The following DLGAP1 variants were observed in gnomAD, a reference collection of about 807,000 sequenced individuals.
DLGAP1 encodes the protein DLG associated protein 1.
DLGAP1 carries 11 observed loss-of-function variants against 90.8 expected under a neutral mutation model. That is an observed-to-expected ratio of 0.12 (90% confidence interval 0.08 to 0.20). The LOEUF is 0.20. Among genes scored for constraint, DLGAP1 ranks in the 10% least tolerant of loss-of-function variants. The pLI is 1.00. For missense variants in DLGAP1, 1,050 were observed against 1,333.8 expected, an observed-to-expected ratio of 0.79 and a Z score of 3.31; for synonymous variants, 558 against 540.7, an observed-to-expected ratio of 1.03 and a Z score of -0.44.
intron 2 of DLGAP1, among the ~76,000 whole-genome samples, chr18:4,005,702 C>T (rs550544057): frequency 1.8e-4 from 28 of 152,262 alleles, no homozygotes; most frequent in African/African-American, 6.7e-4. Context: ...TGCAGCTGCT[C>T]TGATAGGAGC....
intron 1 of DLGAP1, among the ~76,000 whole-genome samples, chr18:4,152,883 C>T (rs543575868): frequency 1.5e-3 from 224 of 152,272 alleles, no homozygotes; most frequent in African/African-American, 4.3e-3. Context: ...GGACTTTCTT[C>T]CCCACATATA....
At chr18:4,123,831 G>T (rs2076191960) in intron 2 of DLGAP1, among the ~76,000 whole-genome samples, 1 of 152,170 alleles carries the variant, frequency 6.6e-6, no homozygotes, top group African/African-American at 2.4e-5. Flanking sequence ...GTGTGGGTTG[G>T]TTTTGCCCCT....
intron 5 of DLGAP1, among the ~76,000 whole-genome samples, chr18:3,799,094 C>G (rs2066159429): frequency 6.6e-6 from 1 of 152,146 alleles, no homozygotes; most frequent in Non-Finnish European, 1.5e-5. Context: ...CCAGGCTGGT[C>G]TTGAACTCCT....
At chr18:3,970,668 C>G (rs948087285) in intron 3 of DLGAP1, among the ~76,000 whole-genome samples, 6 of 152,150 alleles carry the variant, frequency 3.9e-5, no homozygotes, top group African/African-American at 1.4e-4. Flanking sequence ...TACAGTTTCA[C>G]TCTTAGTTTT....
chr18:4,000,173 T>C (rs2074153375), intron 3 of DLGAP1, among the ~76,000 whole-genome samples: 1 of 152,146 alleles, frequency 6.6e-6, no homozygotes, highest in Admixed American at 6.5e-5. Flanking sequence ...TATTAACATC[T>C]TCATATTATC....
chr18:3,940,467 G>A (rs1409226043), intron 3 of DLGAP1, among the ~76,000 whole-genome samples: 2 of 152,174 alleles, frequency 1.3e-5, no homozygotes, highest in East Asian at 1.9e-4. Flanking sequence ...TCAGTGCTCT[G>A]TACTCTTTCC....
intron 3 of DLGAP1, among the ~76,000 whole-genome samples, chr18:3,992,000 C>T (rs1194060999): frequency 6.6e-6 from 1 of 152,112 alleles, no homozygotes; most frequent in East Asian, 1.9e-4. Context: ...TACTTCTCTC[C>T]CCTGATGGCT....
chr18:4,109,954 T>C (rs953867486), intron 2 of DLGAP1, among the ~76,000 whole-genome samples: 4 of 152,126 alleles, frequency 2.6e-5, no homozygotes, highest in Non-Finnish European at 5.9e-5. Flanking sequence ...ATTCATATTA[T>C]CTATATTGTG....
At chr18:3,871,683 A>AT (rs2148799519) in intron 4 of DLGAP1, among the ~76,000 whole-genome samples, 1 of 152,294 alleles carries the variant, frequency 6.6e-6, no homozygotes, top group South Asian at 2.1e-4. Flanking sequence ...ACAGTAATGA[A>AT]TTTTCCAACG....
intron 2 of DLGAP1, among the ~76,000 whole-genome samples, chr18:4,079,711 T>A (rs866862705): frequency 7.8e-4 from 101 of 130,184 alleles, no homozygotes; most frequent in African/African-American, 2.7e-3. Context: ...TATATATATA[T>A]ATAAAAGAAA....
At chr18:4,275,944 T>G (rs1568485800) in intron 1 of DLGAP1, among the ~76,000 whole-genome samples, 1 of 152,038 alleles carries the variant, frequency 6.6e-6, no homozygotes, top group Non-Finnish European at 1.5e-5. Flanking sequence ...ATTCTTGAAC[T>G]GAGATATGAA....
intron 1 of DLGAP1, among the ~76,000 whole-genome samples, chr18:4,184,531 G>T (rs894581871): frequency 1.3e-5 from 2 of 151,784 alleles, no homozygotes; most frequent in African/African-American, 4.8e-5. Context: ...TCAATAAATC[G>T]GTATCGTACA....
chr18:3,625,393 A>G (rs1191568009), intron 7 of DLGAP1, among the ~76,000 whole-genome samples: 1 of 152,210 alleles, frequency 6.6e-6, no homozygotes, highest in African/African-American at 2.4e-5. Context: ...GTCACCTTGC[A>G]GTGGAACTGC....
At chr18:3,709,048 T>G (rs1567994282) in intron 7 of DLGAP1, among the ~76,000 whole-genome samples, 1 of 152,214 alleles carries the variant, frequency 6.6e-6, no homozygotes, top group Non-Finnish European at 1.5e-5. Context: ...TCAACAAATA[T>G]TTACTGAGTA....
At chr18:3,637,466 C>T (rs1483045193) in intron 7 of DLGAP1, among the ~76,000 whole-genome samples, 1 of 151,318 alleles carries the variant, frequency 6.6e-6, no homozygotes, top group Admixed American at 6.6e-5. Context: ...AGGCGCAGTG[C>T]CTCACAACTG....
chr18:3,716,978 A>T (rs1404856968), intron 7 of DLGAP1, among the ~76,000 whole-genome samples: 4 of 149,772 alleles, frequency 2.7e-5, no homozygotes, highest in Non-Finnish European at 4.4e-5. Context: ...AAATTTAAAA[A>T]TTTTTTTAGA....
Position 4,187,905 on chromosome 18 carries a change from G to A in DLGAP1, c.-266-36618C>T, listed in dbSNP as rs966042795. On this transcript the variant is annotated intron_variant, in intron 1 of 12. Transcript: ENST00000315677. The stretch of plus-strand genomic sequence containing the variant: ...CCAGCTATTTGGAAGTCTGAGGCAC[G>A]AGAATTACTTGAACCCTGGGAGGCA... Among the ~76,000 whole-genome samples the A allele has an allele frequency of 1.8e-4, 27 of 152,128 alleles. 1 individual carries two copies. Among genetic ancestry groups the A allele is most frequent in the Non-Finnish European group, 1.9e-4 (13 of 68,022 alleles).
intron 4 of DLGAP1, among the ~76,000 whole-genome samples, chr18:3,834,058 G>A (rs1014182507): frequency 6.6e-6 from 1 of 152,152 alleles, no homozygotes; most frequent in Non-Finnish European, 1.5e-5. Context: ...TGTGATCCCA[G>A]CACTTTGGGA....
chr18:4,121,698 G>T (rs1045414109), intron 2 of DLGAP1, among the ~76,000 whole-genome samples: 2 of 152,066 alleles, frequency 1.3e-5, no homozygotes, highest in African/African-American at 4.8e-5. Flanking sequence ...TCAGAGTTGT[G>T]CCCAATCTCT....
Sources: allele counts gnomAD v4.1 joint callset (sites outside exome capture counted in the v4.1 genomes callset), GRCh38; gene constraint gnomAD v4.1.1; transcripts MANE v1.5; gene names NCBI Gene and HGNC (gene_info 2026-07-23, HGNC 2026-07-21).